Variants in MYO5B observed in about 807,000 individuals in gnomAD.
MYO5B encodes the protein myosin VB.
Under a neutral mutation model 229.3 loss-of-function variants are expected in MYO5B, and 143 were observed. The observed-to-expected ratio is 0.62, with a 90% CI of 0.54 to 0.72. MYO5B has a LOEUF of 0.72. MYO5B is among the 30% of genes least tolerant of loss of function. The pLI is 0.00. For synonymous variants in MYO5B, 918 were observed against 885.2 expected, an observed-to-expected ratio of 1.04 and a Z score of -0.66; for missense variants, 2,321 against 2,331.0, an observed-to-expected ratio of 1.00 and a Z score of 0.09.
chr18:50,022,472 A>C (rs901868509), intron 4 of MYO5B, among the ~76,000 whole-genome samples: 1 of 152,156 alleles, frequency 6.6e-6, no homozygotes, highest in Non-Finnish European at 1.5e-5. Flanking sequence ...CCTCAACTCA[A>C]GGCATTAATT....
At chr18:50,161,522 C>T (rs1370451373) in intron 1 of MYO5B, among the ~76,000 whole-genome samples, 1 of 88,232 alleles carries the variant, frequency 1.1e-5, no homozygotes, top group African/African-American at 4.5e-5. Context: ...ACTAGGGTTT[C>T]GGGGCGGGGT....
At chr18:50,116,925 T>G (rs1037783974) in intron 1 of MYO5B, among the ~76,000 whole-genome samples, 3 of 151,738 alleles carry the variant, frequency 2.0e-5, no homozygotes, top group African/African-American at 7.3e-5. Flanking sequence ...CATTTAGCTA[T>G]GAAGGTATTT....
chr18:49,902,589 C>G lies in MYO5B; in HGVS notation c.2811+5G>C, dbSNP rs1387789818. On this transcript the variant is annotated splice_donor_5th_base_variant and intron_variant, in intron 21 of 39. Coordinates refer to ENST00000285039, the MANE Select transcript of MYO5B (RefSeq NM_001080467.3). ...ACACCCAGGTAGGGAGCTGCAGACA[C>G]TGACCTGCTCATCGATCTTCCGCTG... 1.2e-6 allele frequency: 2 copies of G among 1,611,090 alleles called. No homozygotes were observed. The highest frequency in any genetic ancestry group is 2.2e-5 in the East Asian group (1 of 44,892).
intron 1 of MYO5B, among the ~76,000 whole-genome samples, chr18:50,154,842 A>G (rs1322876763): frequency 6.6e-6 from 1 of 152,104 alleles, no homozygotes; most frequent in South Asian, 2.1e-4. Flanking sequence ...AATCAGGTAG[A>G]TACTCTCCTG....
At chr18:49,864,816 A>C (rs2024377835) in intron 27 of MYO5B, among the ~76,000 whole-genome samples, 1 of 152,222 alleles carries the variant, frequency 6.6e-6, no homozygotes, top group Admixed American at 6.5e-5. Flanking sequence ...TTGCCCAGAG[A>C]ACCCGTTGCT....
At chr18:50,134,087 C>T (rs988868030) in intron 1 of MYO5B, among the ~76,000 whole-genome samples, 2 of 152,010 alleles carry the variant, frequency 1.3e-5, no homozygotes, top group Non-Finnish European at 1.5e-5. Context: ...TGGTTGCTCC[C>T]GGAAAAAGGA....
At chr18:50,009,743 T>C (rs2026142517) in intron 4 of MYO5B, among the ~76,000 whole-genome samples, 1 of 152,190 alleles carries the variant, frequency 6.6e-6, no homozygotes, top group African/African-American at 2.4e-5. Context: ...GGGAACACTA[T>C]AAATAACATT....
intron 1 of MYO5B, among the ~76,000 whole-genome samples, chr18:50,122,910 T>C (rs1229534838): frequency 6.6e-6 from 1 of 152,226 alleles, no homozygotes; most frequent in African/African-American, 2.4e-5. Flanking sequence ...AACAGCTTGA[T>C]GTCACCTGAG....
chr18:49,830,975 GA>G (rs199880638), intron 39 of MYO5B, among the ~76,000 whole-genome samples: 215 of 133,614 alleles, frequency 1.6e-3, no homozygotes, highest in South Asian at 6.6e-3. Flanking sequence ...TAAGGGCCCA[GA>G]AAAAAAAAAA....
chr18:50,193,938 G>A (rs1416920133), intron 1 of MYO5B, among the ~76,000 whole-genome samples: 1 of 152,174 alleles, frequency 6.6e-6, no homozygotes, highest in Non-Finnish European at 1.5e-5. Flanking sequence ...CTCCGCCCGG[G>A]CTGCACCTGT....
rs192096410 is a variant in MYO5B, at chr18:49,985,242, G to A, written c.839-417C>T. 1.8e-4 allele frequency among the ~76,000 whole-genome samples: 28 copies of A among 152,270 alleles called. No individual in the cohort carries two copies. The Middle Eastern group carries it at 0.014, about 74-fold the overall frequency. On this transcript the variant is annotated intron_variant, in intron 7 of 39. Coordinates refer to ENST00000285039, the MANE Select transcript of MYO5B (RefSeq NM_001080467.3). ...CCGACAAGCTCATTTGACAAATGAGGAACAGTGATGTGCCCGAGGTGACAG... is the reference window on the plus strand; with the variant it reads ...CCGACAAGCTCATTTGACAAATGAGAAACAGTGATGTGCCCGAGGTGACAG...
intron 23 of MYO5B, among the ~76,000 whole-genome samples, chr18:49,879,902 C>A (rs941788407): frequency 6.6e-6 from 1 of 152,178 alleles, no homozygotes; most frequent in Admixed American, 6.5e-5. Context: ...AACCATGATG[C>A]GTGGATGGAC....
intron 10 of MYO5B, among the ~76,000 whole-genome samples, chr18:49,965,455 T>TCTCTCTCTCACA (rs1555647768): frequency 1.4e-5 from 2 of 147,098 alleles, no homozygotes; most frequent in African/African-American, 5.1e-5. Flanking sequence ...ACACTTCTTT[T>TCTCTCTCTCACA]CACACACACA....
intron 4 of MYO5B, among the ~76,000 whole-genome samples, chr18:50,018,142 A>C (rs112164711): frequency 6.6e-6 from 1 of 152,178 alleles, no homozygotes; most frequent in Non-Finnish European, 1.5e-5. Context: ...GGCTATTCAC[A>C]GTTGTGGTCA....
intron 14 of MYO5B, among the ~76,000 whole-genome samples, chr18:49,939,088 A>T (rs976249811): frequency 6.6e-6 from 1 of 151,164 alleles, no homozygotes; most frequent in Non-Finnish European, 1.5e-5. Flanking sequence ...GGGCTCAGAC[A>T]TTATCTAGTT....
intron 1 of MYO5B, among the ~76,000 whole-genome samples, chr18:50,156,071 A>G (rs974741706): frequency 2.6e-5 from 4 of 152,180 alleles, no homozygotes; most frequent in African/African-American, 7.2e-5. Flanking sequence ...GATTGTTCCA[A>G]TTTAAAGTAA....
At chr18:50,190,442 T>C (rs1319200228) in intron 1 of MYO5B, among the ~76,000 whole-genome samples, 1 of 152,168 alleles carries the variant, frequency 6.6e-6, no homozygotes, top group Non-Finnish European at 1.5e-5. Context: ...GGAGCTGATG[T>C]GAGAGTGAAT....
At chr18:49,914,391 C>T (rs948717882) in intron 17 of MYO5B, among the ~76,000 whole-genome samples, 4 of 152,144 alleles carry the variant, frequency 2.6e-5, no homozygotes, top group African/African-American at 7.2e-5. Context: ...TCACTCATTT[C>T]GAGATATTAA....
At chr18:49,843,501 T>A in intron 33 of MYO5B, 109 bp from the exon 34 acceptor site, 1 of 1,362,280 alleles carries the variant, frequency 7.3e-7, no homozygotes. Context: ...CCATAGCTCA[T>A]CTAGGAATAG....
Sources: allele counts gnomAD v4.1 joint callset (sites outside exome capture counted in the v4.1 genomes callset), GRCh38; gene constraint gnomAD v4.1.1; transcripts MANE v1.5; gene names NCBI Gene and HGNC (gene_info 2026-07-23, HGNC 2026-07-21).